The following SEMA5A variants were observed in gnomAD, a reference collection of about 807,000 sequenced individuals.
The protein encoded by SEMA5A is semaphorin-5A.
SEMA5A carries 55 observed loss-of-function variants against 135.5 expected under a neutral mutation model. That is an observed-to-expected ratio of 0.41 (90% CI 0.33 to 0.51). The LOEUF is 0.51. SEMA5A is among the 20% of genes least tolerant of loss of function. SEMA5A has a pLI of 0.37. For missense variants in SEMA5A, 1,290 were observed against 1,419.9 expected (o/e 0.91, Z 1.47); for synonymous variants, 580 against 546.5 (o/e 1.06, Z -0.85).
chr5:9,103,454 T>C (rs940769945), intron 16 of SEMA5A, among the ~76,000 whole-genome samples: 18 of 152,194 alleles, frequency 1.2e-4, no homozygotes, highest in Non-Finnish European at 2.1e-4. Flanking sequence ...CAGAATCCCT[T>C]TTGACAGCAT....
rs372492678 is a variant in SEMA5A, at chr5:9,119,146, G to C, written c.1782-5C>G. 2.5e-6 allele frequency: 4 copies of C among 1,612,944 alleles called. No individual in the cohort carries two copies. The highest frequency in any genetic ancestry group is 3.4e-6 in the Non-Finnish European group (4 of 1,179,628). On this transcript the variant is annotated splice_polypyrimidine_tract_variant and splice_region_variant and intron_variant, in intron 14 of 22. Transcript: ENST00000382496. The stretch of plus-strand genomic sequence containing the variant: ...CAGGGAGTCCAGCCTCCGTTCCTGA[G>C]GGAAGGGAAGCAATGCAATCATTAG...
At chr5:9,225,704 TTC>T (rs1554006502) in intron 7 of SEMA5A, among the ~76,000 whole-genome samples, 16 of 152,192 alleles carry the variant, frequency 1.1e-4, no homozygotes, top group African/African-American at 3.9e-4. Context: ...TTCCAACACT[TTC>T]TTTCTTTTTT....
At chr5:9,265,378 T>C in intron 5 of SEMA5A, 3 of 455,510 alleles carry the variant, frequency 6.6e-6, no homozygotes, top group South Asian at 3.1e-5. Flanking sequence ...TACCAGACCA[T>C]ATAATTTATC....
intron 8 of SEMA5A, among the ~76,000 whole-genome samples, chr5:9,220,457 A>G (rs1344051034): frequency 2.6e-5 from 4 of 152,156 alleles, no homozygotes; most frequent in Non-Finnish European, 5.9e-5. Context: ...GAAAACTAAG[A>G]AAAAACAACA....
intron 1 of SEMA5A, among the ~76,000 whole-genome samples, chr5:9,499,455 A>C (rs556381326): frequency 4.6e-5 from 7 of 152,316 alleles, no homozygotes; most frequent in African/African-American, 1.7e-4. Flanking sequence ...CTAGCTTCCA[A>C]TGGAACACAA....
intron 15 of SEMA5A, among the ~76,000 whole-genome samples, chr5:9,116,172 C>G (rs1252392993): frequency 6.6e-6 from 1 of 152,100 alleles, no homozygotes; most frequent in South Asian, 2.1e-4. Context: ...GCTGAGGCCC[C>G]AAGCAGAGGA....
intron 8 of SEMA5A, among the ~76,000 whole-genome samples, chr5:9,221,322 A>G (rs1274838260): frequency 1.3e-5 from 1 of 75,622 alleles, no homozygotes; most frequent in African/African-American, 5.3e-5. Context: ...TTTTTTTTTG[A>G]GACGGAGTCT....
intron 3 of SEMA5A, among the ~76,000 whole-genome samples, chr5:9,357,670 G>A (rs1045722497): frequency 6.6e-6 from 1 of 152,170 alleles, no homozygotes; most frequent in African/African-American, 2.4e-5. Flanking sequence ...GAGGGTTGGA[G>A]GAACTATTAT....
chr5:9,519,851 A>G (rs1034324391), intron 1 of SEMA5A: 16 of 152,266 alleles, frequency 1.1e-4, no homozygotes, highest in African/African-American at 3.4e-4. Context: ...CTTTTGCTGT[A>G]GTGGTATGTT....
intron 8 of SEMA5A, among the ~76,000 whole-genome samples, chr5:9,206,509 G>T (rs749945315): frequency 6.6e-6 from 1 of 151,728 alleles, no homozygotes; most frequent in Non-Finnish European, 1.5e-5. Context: ...ACCAAATACT[G>T]AGAATCCAAA....
chr5:9,297,302 G>A (rs1055044469), intron 5 of SEMA5A, among the ~76,000 whole-genome samples: 32 of 152,200 alleles, frequency 2.1e-4, no homozygotes, highest in Non-Finnish European at 4.6e-4. Context: ...GCACATAGCT[G>A]TGGTGTGAAT....
intron 16 of SEMA5A, among the ~76,000 whole-genome samples, chr5:9,086,735 C>T (rs961697434): frequency 1.3e-5 from 2 of 152,172 alleles, no homozygotes; most frequent in African/African-American, 4.8e-5. Flanking sequence ...AGCAAATATT[C>T]TTTCTAAATG....
At chr5:9,436,979 C>G (rs1758054178) in intron 2 of SEMA5A, among the ~76,000 whole-genome samples, 1 of 152,152 alleles carries the variant, frequency 6.6e-6, no homozygotes, top group Non-Finnish European at 1.5e-5. Context: ...CTACACTGTC[C>G]CAGGGCCACA....
chr5:9,185,510 G>T (rs1450141290), intron 11 of SEMA5A, among the ~76,000 whole-genome samples: 3 of 152,122 alleles, frequency 2.0e-5, no homozygotes, highest in South Asian at 2.1e-4. Context: ...CCTGATAGGT[G>T]TTTTTATATA....
chr5:9,188,552 A>C (rs1267213106), intron 11 of SEMA5A, among the ~76,000 whole-genome samples: 6 of 152,038 alleles, frequency 3.9e-5, no homozygotes, highest in Non-Finnish European at 7.4e-5. Flanking sequence ...CTCAACCCCC[A>C]TCAAAATCCC....
chr5:9,124,297 TTCTTGCCAAA>T (rs1740986994), intron 13 of SEMA5A, among the ~76,000 whole-genome samples: 1 of 152,154 alleles, frequency 6.6e-6, no homozygotes, highest in African/African-American at 2.4e-5. Flanking sequence ...AAGGGACGGC[TTCTTGCCAAA>T]TCTGATAAGC....
chr5:9,109,488 A>C (rs1386102457), intron 15 of SEMA5A, among the ~76,000 whole-genome samples: 1 of 152,198 alleles, frequency 6.6e-6, no homozygotes, highest in Non-Finnish European at 1.5e-5. Flanking sequence ...ATGTAGTGAG[A>C]CACACTCGGT....
rs1460638326 is a variant in SEMA5A, at chr5:9,204,890, T to A, written c.647-2650A>T. Among the ~76,000 whole-genome samples, 1 of 152,162 alleles carries A rather than the reference T, an allele frequency of 6.6e-6. No homozygotes were observed. Among genetic ancestry groups the A allele is most frequent in the Non-Finnish European group, 1.5e-5 (1 of 68,020 alleles). ...TAGGAGCAGGAACCCTACTGTGAAC[T>A]GTGCATGTGAGGGATCTAAGTTGTA... On this transcript the variant is annotated intron_variant, in intron 8 of 22. Coordinates refer to ENST00000382496, the MANE Select transcript of SEMA5A (RefSeq NM_003966.3). This position sits in a 1 kb window ranked among gnomAD's most constrained non-coding sequence, Gnocchi z 6.4.
intron 16 of SEMA5A, among the ~76,000 whole-genome samples, chr5:9,087,151 CA>C (rs1423944131): frequency 1.3e-5 from 2 of 152,214 alleles, no homozygotes; most frequent in African/African-American, 4.8e-5. Context: ...TATGGGTCAG[CA>C]ATATCCCTGT....
Sources: allele counts gnomAD v4.1 joint callset (sites outside exome capture counted in the v4.1 genomes callset), GRCh38; gene constraint gnomAD v4.1.1; non-coding constraint Gnocchi (gnomAD v3.1); transcripts MANE v1.5; gene names NCBI Gene and HGNC (gene_info 2026-07-23, HGNC 2026-07-21).